NLGN1: variants seen among roughly 807,000 people sequenced by gnomAD.
NLGN1 encodes neuroligin 1.
A neutral mutation model predicts 65.5 loss-of-function variants in NLGN1; 12 were observed. That is an observed-to-expected ratio of 0.18 (90% CI 0.12 to 0.30). The LOEUF is 0.30. NLGN1 is among the 10% of genes least tolerant of loss of function. The probability of loss-of-function intolerance (pLI) is 1.00; values close to 1 mark genes in which losing one functional copy is unlikely to be tolerated. For missense variants in NLGN1, 750 were observed against 1,007.1 expected (o/e 0.74, Z 3.46); for synonymous variants, 350 against 359.5 (o/e 0.97, Z 0.30).
intron 3 of NLGN1, among the ~76,000 whole-genome samples, chr3:173,733,025 A>G (rs1398560901): frequency 1.3e-5 from 2 of 152,170 alleles, no homozygotes; most frequent in Non-Finnish European, 2.9e-5. Flanking sequence ...ATTATCTTTC[A>G]ATTTTTATAA....
At chr3:174,033,495 A>G (rs941503514) in intron 4 of NLGN1, among the ~76,000 whole-genome samples, 21 of 152,216 alleles carry the variant, frequency 1.4e-4, no homozygotes, top group Admixed American at 1.2e-3. Context: ...TGTAACACAG[A>G]TGCTGGAAAT....
chr3:174,172,726 A>C (rs563806510), intron 4 of NLGN1, among the ~76,000 whole-genome samples: 1 of 152,266 alleles, frequency 6.6e-6, no homozygotes, highest in East Asian at 1.9e-4. Context: ...ATAGCTCTGC[A>C]GTATAATATA....
intron 4 of NLGN1, among the ~76,000 whole-genome samples, chr3:174,041,127 G>C (rs1458232122): frequency 2.0e-5 from 3 of 152,056 alleles, no homozygotes; most frequent in Non-Finnish European, 4.4e-5. Flanking sequence ...TCACCATCAT[G>C]CTCCATTCCA....
intron 3 of NLGN1, among the ~76,000 whole-genome samples, chr3:173,633,047 G>A (rs1485703195): frequency 6.6e-6 from 1 of 151,442 alleles, no homozygotes; most frequent in Non-Finnish European, 1.5e-5. Context: ...AAGATTAGTG[G>A]GAATTAAAAT....
chr3:174,242,127 C>T (rs1742991072), intron 4 of NLGN1, among the ~76,000 whole-genome samples: 1 of 152,146 alleles, frequency 6.6e-6, no homozygotes, highest in Non-Finnish European at 1.5e-5. Flanking sequence ...TACTTACCAG[C>T]AGTGTGATTT....
chr3:174,279,362 A>G lies in NLGN1; in HGVS notation c.1361A>G (p.Lys454Arg). The G allele has an allele frequency of 6.2e-7, 1 of 1,613,448 alleles. No homozygotes were observed. The highest frequency in any genetic ancestry group is 1.1e-5 in the South Asian group (1 of 91,078). ...CGTCATAACCCTGAAACCAGAAGAA[A>G]GACATTACTGGCTTTGTTTACGGAC... The change falls in exon 6 of 7, where the codon AAG (lysine) becomes AGG (arginine). Residue 454 changes from lysine to arginine, a missense_variant. Physicochemically the swap from Lys to Arg is conservative, Grantham distance 26 (BLOSUM62 2). Transcript: ENST00000457714. The surrounding 1 kb of genome is among the most constrained non-coding windows in gnomAD (Gnocchi z 4.7).
At chr3:174,293,735 A>C in the NLGN1 span, among the ~76,000 whole-genome samples, 3 of 151,642 alleles carry the variant, frequency 2.0e-5, no homozygotes, top group East Asian at 5.8e-4. Flanking sequence ...AGGAGACTAG[A>C]GAACAGCTCA....
chr3:173,657,782 TAGGA>T (rs1560117755), intron 3 of NLGN1, among the ~76,000 whole-genome samples: 2 of 151,634 alleles, frequency 1.3e-5, no homozygotes, highest in Non-Finnish European at 2.9e-5. Context: ...GGAAGGAAGG[TAGGA>T]AGGAAGCCAA....
intron 4 of NLGN1, among the ~76,000 whole-genome samples, chr3:174,023,494 G>A (rs767585797): frequency 1.5e-4 from 23 of 152,220 alleles, no homozygotes; most frequent in Non-Finnish European, 3.1e-4. Context: ...GGCATAGAAA[G>A]CGTATTGGAA....
intron 3 of NLGN1, among the ~76,000 whole-genome samples, chr3:173,769,420 T>C (rs1285261541): frequency 2.0e-5 from 3 of 152,054 alleles, no homozygotes; most frequent in Non-Finnish European, 4.4e-5. Context: ...CAAACACACA[T>C]ATGAGGGCCA....
intron 4 of NLGN1, among the ~76,000 whole-genome samples, chr3:173,922,312 G>A (rs951159297): frequency 6.6e-6 from 1 of 151,902 alleles, no homozygotes; most frequent in Non-Finnish European, 1.5e-5. Flanking sequence ...AAGCACTGTG[G>A]AAGAAAAAGA....
intron 4 of NLGN1, among the ~76,000 whole-genome samples, chr3:174,201,202 C>T (rs776025727): frequency 3.3e-4 from 50 of 151,512 alleles, no homozygotes; most frequent in Middle Eastern, 6.8e-3. Context: ...GTGATTGCAC[C>T]ACTGCACTCC....
chr3:173,709,340 T>C (rs1768556624), intron 3 of NLGN1, among the ~76,000 whole-genome samples: 1 of 152,184 alleles, frequency 6.6e-6, no homozygotes, highest in South Asian at 2.1e-4. Context: ...ACCCATTATG[T>C]GCTCAGTCCA....
chr3:174,279,439 G>A lies in NLGN1; in HGVS notation c.1438G>A (p.Gly480Ser). Residue 480 changes from glycine (G) to serine (S), a missense_variant, in exon 6 of 7, where the codon GGT becomes AGT. Coordinates refer to ENST00000457714, the Ensembl canonical transcript of NLGN1. This position sits in a 1 kb window ranked among gnomAD's most constrained non-coding sequence, Gnocchi z 4.7. ...CACAGCGGATCTTCACTCAAACTTT[G>A]GTTCACCTACGTACTTCTATGCCTT... 6.2e-7 allele frequency: 1 copy of A among 1,613,260 alleles called. No homozygotes were observed. Among genetic ancestry groups the A allele is most frequent in the Non-Finnish European group, 8.5e-7 (1 of 1,179,552 alleles).
At chr3:174,166,521 T>A (rs1727527852) in intron 4 of NLGN1, among the ~76,000 whole-genome samples, 1 of 152,140 alleles carries the variant, frequency 6.6e-6, no homozygotes. Context: ...GATTTCTATT[T>A]TTACTTCACC....
chr3:174,145,590 C>T (rs1325009775), intron 4 of NLGN1, among the ~76,000 whole-genome samples: 2 of 152,064 alleles, frequency 1.3e-5, no homozygotes, highest in Non-Finnish European at 2.9e-5. Context: ...ATATATTACA[C>T]CTGCTTTTTA....
exon 7 of NLGN1, chr3:174,283,392 G>A (rs910265981): frequency 3.3e-5 from 5 of 151,494 alleles, no homozygotes; most frequent in Non-Finnish European, 7.4e-5. Context: ...AGGTACAGAT[G>A]TTGTAGAAAT....
intron 4 of NLGN1, among the ~76,000 whole-genome samples, chr3:173,984,865 A>C (rs1299705231): frequency 6.6e-6 from 1 of 152,090 alleles, no homozygotes; most frequent in East Asian, 1.9e-4. Flanking sequence ...AATATGGTGA[A>C]ACCCTGTGTC....
intron 4 of NLGN1, among the ~76,000 whole-genome samples, chr3:173,954,718 A>G (rs1711558872): frequency 6.6e-6 from 1 of 152,178 alleles, no homozygotes; most frequent in Non-Finnish European, 1.5e-5. Flanking sequence ...GACACAGAGG[A>G]CAAACTGAAA....
Sources: gnomAD v4.1 joint callset for allele counts (sites outside exome capture counted in the v4.1 genomes callset) on GRCh38, gnomAD v4.1.1 for gene constraint, Gnocchi (gnomAD v3.1) non-coding constraint, MANE v1.5 for transcripts, NCBI Gene and HGNC (gene_info 2026-07-23, HGNC 2026-07-21) for gene names.